DTD1: variants seen among roughly 807,000 people sequenced by gnomAD.
The protein encoded by DTD1 is D-aminoacyl-tRNA deacylase 1.
Under a neutral mutation model 25.6 loss-of-function variants are expected in DTD1, and 13 were observed. That is an observed-to-expected ratio of 0.51 (90% confidence interval 0.33 to 0.81). The LOEUF (loss-of-function observed/expected upper bound fraction) is 0.81, where lower values mean the gene tolerates loss of function less well. Ranked by LOEUF, DTD1 falls within the 30% of genes least tolerant of loss-of-function variation. The pLI is 0.02. For synonymous variants in DTD1, 110 were observed against 103.6 expected (o/e 1.06, Z -0.37); for missense variants, 193 against 266.4 (o/e 0.72, Z 1.92).
chr20:18,748,620 G>T (rs1018266803), intron 5 of DTD1, among the ~76,000 whole-genome samples: 34 of 152,160 alleles, frequency 2.2e-4, no homozygotes, highest in African/African-American at 8.2e-4. Flanking sequence ...GAACATACAG[G>T]AGAACACGCT....
At chr20:18,712,825 C>T (rs533398337) in intron 4 of DTD1, among the ~76,000 whole-genome samples, 12 of 152,366 alleles carry the variant, frequency 7.9e-5, no homozygotes, top group Non-Finnish European at 1.5e-4. Context: ...TGTGTGGACA[C>T]CGGAATGTTT....
At position 18,720,228 on chromosome 20, in the gene DTD1, C is replaced by G. The variant is rs115277240; in HGVS notation, c.478-23872C>G. Reference sequence around the variant, plus strand: ...CTAGTGTAACTTTGAAAAAGTGTATCACTTAGTAGGGAGGAAAATGACCAA... The same window carrying G: ...CTAGTGTAACTTTGAAAAAGTGTATGACTTAGTAGGGAGGAAAATGACCAA... On this transcript the variant is annotated intron_variant, in intron 4 of 5. Coordinates refer to ENST00000377452, the MANE Select transcript of DTD1 (RefSeq NM_080820.6). Among the ~76,000 whole-genome samples, 797 of 152,274 alleles carry G rather than the reference C, an allele frequency of 5.2e-3. 6 individuals are homozygous for G. The highest frequency in any genetic ancestry group is 0.035 in the South Asian group (167 of 4,816).
intron 3 of DTD1, among the ~76,000 whole-genome samples, chr20:18,606,751 G>A (rs1386000112): frequency 9.0e-6 from 1 of 110,566 alleles, no homozygotes; most frequent in Non-Finnish European, 1.9e-5. Flanking sequence ...ACACAGGAAG[G>A]GGAATATCAC....
At chr20:18,735,919 T>C (rs956747396) in intron 4 of DTD1, among the ~76,000 whole-genome samples, 1 of 152,188 alleles carries the variant, frequency 6.6e-6, no homozygotes, top group Non-Finnish European at 1.5e-5. Flanking sequence ...GCAGATATCA[T>C]GAAAAGTATG....
intron 4 of DTD1, among the ~76,000 whole-genome samples, chr20:18,689,966 TGTCTCTACGAAAAA>T (rs2061037888): frequency 1.3e-5 from 2 of 151,246 alleles, no homozygotes; most frequent in African/African-American, 2.4e-5. Flanking sequence ...AGCGAGACCT[TGTCTCTACGAAAAA>T]CAAAAATAAG....
chr20:18,744,401 C>CTGTT, intron 5 of DTD1, 130 bp downstream of exon 5: 1 of 1,017,204 alleles, frequency 9.8e-7, no homozygotes. Context: ...AAATCTGCTG[C>CTGTT]CTTCCAGGAT....
chr20:18,617,303 G>A (rs559685392), intron 3 of DTD1, among the ~76,000 whole-genome samples: 101 of 148,988 alleles, frequency 6.8e-4, no homozygotes, highest in Admixed American at 1.8e-3. Flanking sequence ...CAGGGACTAC[G>A]AATTCAGAAA....
intron 4 of DTD1, among the ~76,000 whole-genome samples, chr20:18,719,192 G>A (rs1218881329): frequency 6.6e-6 from 1 of 152,048 alleles, no homozygotes; most frequent in Non-Finnish European, 1.5e-5. Flanking sequence ...AATCTTGTAA[G>A]TTGGGGATTG....
chr20:18,607,205 C>T (rs2060663413), intron 3 of DTD1, among the ~76,000 whole-genome samples: 1 of 152,012 alleles, frequency 6.6e-6, no homozygotes, highest in African/African-American at 2.4e-5. Flanking sequence ...GGACTGTTGT[C>T]CAGGCTGGAG....
intron 4 of DTD1, among the ~76,000 whole-genome samples, chr20:18,735,938 C>CT (rs575677760): frequency 5.3e-5 from 8 of 152,056 alleles, no homozygotes; most frequent in Non-Finnish European, 1.0e-4. Flanking sequence ...TGCACAGACT[C>CT]TTTTTTTTCA....
At chr20:18,719,315 C>T (rs2061193932) in intron 4 of DTD1, among the ~76,000 whole-genome samples, 1 of 152,034 alleles carries the variant, frequency 6.6e-6, no homozygotes, top group South Asian at 2.1e-4. Context: ...TCTCCTCCTA[C>T]CCTAACCTAT....
intron 4 of DTD1, among the ~76,000 whole-genome samples, chr20:18,743,707 A>G (rs1568687463): frequency 6.6e-6 from 1 of 151,872 alleles, no homozygotes; most frequent in African/African-American, 2.4e-5. Context: ...AAGAAAAGAA[A>G]AAAGAAAACA....
intron 1 of DTD1, 135 bp from the exon 2 acceptor site, chr20:18,593,596 C>A (rs930600651): frequency 1.6e-6 from 1 of 632,598 alleles, no homozygotes; most frequent in Non-Finnish European, 2.9e-6. Context: ...TTTTCATTTT[C>A]GAATACGTAC....
intron 5 of DTD1, among the ~76,000 whole-genome samples, chr20:18,745,520 G>C (rs1764837583): frequency 6.6e-6 from 1 of 152,236 alleles, no homozygotes; most frequent in South Asian, 2.1e-4. Context: ...TGGGAGGTCA[G>C]GAGAGGCCCC....
Position 18,588,126 on chromosome 20 carries a change from CG to C in DTD1, c.43+15del. Reference sequence around the variant, plus strand: ...GGGCCAGCGTCACAGGTCAGTCGGGCGGGGCCGGGCCCGGGAGGAGCCGCCC... The same window carrying C: ...GGGCCAGCGTCACAGGTCAGTCGGGCGGGCCGGGCCCGGGAGGAGCCGCCC... On this transcript the variant is annotated intron_variant, in intron 1 of 5. Coordinates refer to ENST00000377452, the MANE Select transcript of DTD1 (RefSeq NM_080820.6). 7.9e-7 allele frequency: 1 copy of C among 1,269,890 alleles called. No homozygotes were observed. Among genetic ancestry groups the C allele is most frequent in the Non-Finnish European group, 9.9e-7 (1 of 1,009,214 alleles). The allele number at this position is 1,269,890 out of a possible 1,614,324, so 78.7% of individuals were successfully genotyped here.
At chr20:18,705,518 C>T (rs1372141064) in intron 4 of DTD1, among the ~76,000 whole-genome samples, 1 of 152,142 alleles carries the variant, frequency 6.6e-6, no homozygotes, top group African/African-American at 2.4e-5. Flanking sequence ...AGGAAGCTAC[C>T]GCCAGGTTCA....
intron 4 of DTD1, among the ~76,000 whole-genome samples, chr20:18,670,314 G>C (rs989552141): frequency 1.3e-5 from 2 of 152,174 alleles, no homozygotes; most frequent in South Asian, 4.1e-4. Context: ...AAATTAGCTG[G>C]GTATGGTAGT....
At chr20:18,641,672 A>T (rs927194518) in intron 4 of DTD1, among the ~76,000 whole-genome samples, 1 of 152,030 alleles carries the variant, frequency 6.6e-6, no homozygotes, top group East Asian at 1.9e-4. Context: ...TCTTCTTTGG[A>T]GATCTATTTC....
In DTD1 at chr20:18,765,995, G is replaced by T. The variant is rs919681583; in HGVS notation, c.*2655G>T. 1.3e-5 allele frequency: 2 copies of T among 152,172 alleles called. No individual in the cohort carries two copies. Among genetic ancestry groups the T allele is most frequent in the Admixed American group, 6.5e-5 (1 of 15,274 alleles). The allele number at this position is 152,172 out of a possible 1,614,324, so 9.4% of individuals were successfully genotyped here. A position where few individuals can be genotyped will look rare whatever the true frequency, so the allele number is the denominator to read the frequency against. ...GACCCATTTAATCTTGCCTTTGGTG[G>T]TTTACTTTACAGGAGACCAAGCTCT... is the stretch of plus-strand genomic sequence containing the variant. On this transcript the variant is annotated 3_prime_UTR_variant, in exon 6 of 6. Coordinates refer to ENST00000377452, the MANE Select transcript of DTD1 (RefSeq NM_080820.6).
Sources: gnomAD v4.1 joint callset for allele counts (sites outside exome capture counted in the v4.1 genomes callset) on GRCh38, gnomAD v4.1.1 for gene constraint, MANE v1.5 for transcripts, NCBI Gene and HGNC (gene_info 2026-07-23, HGNC 2026-07-21) for gene names.